Variants in TSC1 observed in about 807,000 individuals in gnomAD.
TSC1 encodes the protein TSC complex subunit 1.
A neutral mutation model predicts 124.3 loss-of-function variants in TSC1; 20 were observed. The ratio of observed to expected loss-of-function variants is 0.16; its 90% confidence interval spans 0.11 to 0.23. TSC1 has a LOEUF of 0.23. TSC1 is among the 10% of genes least tolerant of loss of function. The pLI, the probability that TSC1 is intolerant of heterozygous loss-of-function variation, is 1.00. For synonymous variants in TSC1, 493 were observed against 539.1 expected (o/e 0.91, Z 1.19); for missense variants, 1,124 against 1,448.5 (o/e 0.78, Z 3.64).
At position 132,901,477 on chromosome 9, in the gene TSC1, T is replaced by C. The variant is rs1294840617; in HGVS notation, c.2502+112A>G. ...ATGGGGGCAGCAGAACCACTTCCTG[T>C]TGGGAACCCATGACACAGACACTCA... On this transcript the variant is annotated intron_variant, in intron 19 of 22. Transcript: ENST00000298552. 5.9e-6 allele frequency: 6 copies of C among 1,012,222 alleles called. No homozygotes were observed. The East Asian group carries it at 9.5e-5, about 16-fold the overall frequency. The allele number at this position is 1,012,222 out of a possible 1,614,324, so 62.7% of individuals were successfully genotyped here.
rs1225892055 is a variant in TSC1, at chr9:132,895,974, C to T, written c.*261G>A. ...GGAAGAAAGTAAAGCTACTGAGGAACACCAACTGGCCCTTGGATTAGAACA... is the reference window on the plus strand; with the variant it reads ...GGAAGAAAGTAAAGCTACTGAGGAATACCAACTGGCCCTTGGATTAGAACA... On this transcript the variant is annotated 3_prime_UTR_variant, in exon 23 of 23. Transcript: ENST00000298552. 6 of 541,946 alleles carry T rather than the reference C, an allele frequency of 1.1e-5. No individual in the cohort carries two copies. In the East Asian group the frequency reaches 1.6e-4, roughly 14 times the overall value. 33.6% of individuals were successfully genotyped at this position (541,946 alleles called of 1,614,324 possible).
At chr9:132,899,956 A>T (rs1490352420) in intron 20 of TSC1, 1 of 152,300 alleles carries the variant, frequency 6.6e-6, no homozygotes, top group African/African-American at 2.4e-5. Context: ...CATCCTTCTA[A>T]AAAAGGGAGT....
chr9:132,921,235 T>C lies in TSC1; in HGVS notation c.737+128A>G, dbSNP rs563596561. ...ACACAAATTTTAGCTGTATGAGTGC[T>C]TCCAAGTGGACTGATTCTGTAAGTA... On this transcript the variant is annotated intron_variant, in intron 8 of 22. Coordinates refer to ENST00000298552, the MANE Select transcript of TSC1 (RefSeq NM_000368.5). The surrounding 1 kb of genome is among the most constrained non-coding windows in gnomAD (Gnocchi z 4.3). The C allele has an allele frequency of 7.9e-5, 78 of 992,562 alleles. No individual in the cohort carries two copies. The African/African-American group carries it at 9.8e-4, about 12-fold the overall frequency. The allele number at this position is 992,562 out of a possible 1,614,324, so 61.5% of individuals were successfully genotyped here.
chr9:132,905,393 T>A (rs1022134323), intron 15 of TSC1, among the ~76,000 whole-genome samples, 188 bp downstream of exon 15: 5 of 152,130 alleles, frequency 3.3e-5, no homozygotes, highest in Non-Finnish European at 7.4e-5. Context: ...CCAATTTAGG[T>A]GCACAGAGGT....
chr9:132,926,952 G>A (rs1476262345), intron 4 of TSC1: 8 of 455,158 alleles, frequency 1.8e-5, no homozygotes, highest in Admixed American at 3.3e-5. Flanking sequence ...GATTACAGGC[G>A]TGAGCCACCA....
intron 3 of TSC1, among the ~76,000 whole-genome samples, chr9:132,927,533 T>TC (rs1846948440): frequency 6.9e-6 from 1 of 144,152 alleles, no homozygotes; most frequent in Non-Finnish European, 1.5e-5. Flanking sequence ...TTTTTTTTTT[T>TC]TTTTTTTTGA....
At position 132,910,678 on chromosome 9, in the gene TSC1, T is replaced by C. The variant is rs2131946884; in HGVS notation, c.1156A>G (p.Thr386Ala). Residue 386 changes from threonine to alanine, a missense_variant, in exon 12 of 23, where the codon ACT (threonine) becomes GCT (alanine). This residue lies in a region of TSC1 where 463 missense variants were observed against 606.8 expected (regional missense o/e 0.76). Transcript: ENST00000298552. ...GAGGTTGCTGGGGTTCCCAGAGGAG[T>C]TCCTTTTCCACCTGCTTAGAGACAA... is the stretch of plus-strand genomic sequence containing the variant. ...VFGTTAGGKG[T>A]PLGTPATSPP... The C allele has an allele frequency of 1.2e-6, 2 of 1,613,618 alleles. No homozygotes were observed. Among genetic ancestry groups the C allele is most frequent in the Non-Finnish European group, 1.7e-6 (2 of 1,179,970 alleles).
At chr9:132,922,212 G>A (rs1395695099) in intron 6 of TSC1, among the ~76,000 whole-genome samples, 2 of 152,206 alleles carry the variant, frequency 1.3e-5, no homozygotes, top group Non-Finnish European at 2.9e-5. Flanking sequence ...CTACTAGTAT[G>A]ATCCATGAAG....
rs377723943 is a variant in TSC1 at position 132,939,683 on chromosome 9, C to G, written c.-143-4588G>C. Among the ~76,000 whole-genome samples, 5 of 152,314 alleles carry G rather than the reference C, an allele frequency of 3.3e-5. No homozygotes were observed. The South Asian group carries it at 1.0e-3, about 32-fold the overall frequency. On this transcript the variant is annotated intron_variant, in intron 1 of 22. Transcript: ENST00000298552. Reference sequence around the variant, plus strand: ...CCATGTATATTTCAAAAAGACACTACGCAGAGCTTCTCCTAAAAGAGATAC... The same window carrying G: ...CCATGTATATTTCAAAAAGACACTAGGCAGAGCTTCTCCTAAAAGAGATAC...
chr9:132,920,893 G>A (rs553397011), intron 8 of TSC1, among the ~76,000 whole-genome samples: 15 of 152,054 alleles, frequency 9.9e-5, no homozygotes, highest in African/African-American at 2.9e-4. Context: ...ATACCTGGGG[G>A]CCTCTGTAGG....
chr9:132,913,891 G>GTTTT (rs775823272), intron 8 of TSC1, among the ~76,000 whole-genome samples: 41 of 58,366 alleles, frequency 7.0e-4, no homozygotes, highest in African/African-American at 1.7e-3. Context: ...GTTTTGTTTT[G>GTTTT]TTTTTTTTTT....
upstream of TSC1, chr9:132,944,659 T>C (rs1432178012): frequency 1.5e-5 from 6 of 398,378 alleles, no homozygotes; most frequent in Non-Finnish European, 1.8e-5. Flanking sequence ...GACGGCGGCC[T>C]CCGCCACGAA....
At chr9:132,943,951 G>A (rs1051261293) in intron 1 of TSC1, 6 of 152,120 alleles carry the variant, frequency 3.9e-5, no homozygotes, top group Admixed American at 2.0e-4. Flanking sequence ...AATCCCCTTT[G>A]CCCACTTTAA....
chr9:132,943,858 C>G (rs994781109), intron 1 of TSC1: 1 of 152,224 alleles, frequency 6.6e-6, no homozygotes, highest in African/African-American at 2.4e-5. Context: ...AAGGTCCCTC[C>G]GATTGCAGGC....
intron 4 of TSC1, 154 bp from the exon 5 acceptor site, chr9:132,925,893 C>A (rs1846834266): frequency 2.9e-6 from 3 of 1,019,968 alleles, no homozygotes; most frequent in Admixed American, 2.3e-5. Flanking sequence ...ATTTTAAAAA[C>A]CACGTTAGCA....
chr9:132,923,478 G>A lies in TSC1; in HGVS notation c.378C>T (p.Val126=), dbSNP rs373173550. ...LLKCLKMDTD[V]VVLTTGVLVL... The stretch of plus-strand genomic sequence containing the variant: ...CCAAGACGCCTGTTGTGAGGACAAC[G>A]ACGTCAGTGTCCATCTGCAGGAGAA... The change falls in exon 6 of 23, where the codon GTC becomes GTT. Residue 126 remains valine, a synonymous_variant. Coordinates refer to ENST00000298552, the MANE Select transcript of TSC1 (RefSeq NM_000368.5). The surrounding 1 kb of genome is among the most constrained non-coding windows in gnomAD (Gnocchi z 4.2). 1.6e-5 allele frequency: 26 copies of A among 1,614,012 alleles called. No individual in the cohort carries two copies. The highest frequency in any genetic ancestry group is 6.7e-5 in the African/African-American group (5 of 74,916).
chr9:132,923,245 C>T lies in TSC1; in HGVS notation c.508+103G>A, dbSNP rs1588350022. On this transcript the variant is annotated intron_variant, in intron 6 of 22. Transcript: ENST00000298552. This position sits in a 1 kb window ranked among gnomAD's most constrained non-coding sequence, Gnocchi z 4.2. ...GTCTGGTGAAAACCACTCATTTCAG[C>T]TATAAAAGTCTACATGTCCATTCCT... The T allele has an allele frequency of 6.7e-7, 1 of 1,492,546 alleles. No individual in the cohort carries two copies. Among genetic ancestry groups the T allele is most frequent in the Non-Finnish European group, 9.0e-7 (1 of 1,108,880 alleles). 92.5% of individuals were successfully genotyped at this position (1,492,546 alleles called of 1,614,324 possible).
chr9:132,901,596 G>T lies in TSC1; in HGVS notation c.2495C>A (p.Ser832Tyr), dbSNP rs2131702861. Residue 832 changes from serine (S) to tyrosine (Y), a missense_variant, in exon 19 of 23, where the codon TCC becomes TAC. Physicochemically the swap from Ser to Tyr is moderately radical, Grantham distance 144 (BLOSUM62 -2). Coordinates refer to ENST00000298552, the MANE Select transcript of TSC1 (RefSeq NM_000368.5). Reference sequence around the variant, plus strand: ...TGCCTCATTTCTTCTTACCTTTTGGGAAACCTGACTGAGCAGCAGCTCAGT... The same window carrying T: ...TGCCTCATTTCTTCTTACCTTTTGGTAAACCTGACTGAGCAGCAGCTCAGT... Reference protein sequence around the residue: ...CHTELLLSQVSQKLSNSESVQ... With the variant: ...CHTELLLSQVYQKLSNSESVQ... 1 of 1,613,888 alleles carries T rather than the reference G, an allele frequency of 6.2e-7. No homozygotes were observed.
intron 2 of TSC1, among the ~76,000 whole-genome samples, chr9:132,931,888 T>C (rs1847222903): frequency 6.6e-6 from 1 of 152,160 alleles, no homozygotes; most frequent in African/African-American, 2.4e-5. Context: ...GGGGTGGTGG[T>C]AGTGGTGGAT....
Sources: gnomAD v4.1 joint callset for allele counts (sites outside exome capture counted in the v4.1 genomes callset) on GRCh38, gnomAD v4.1.1 for gene constraint, gnomAD v4.1.1 regional missense constraint, Gnocchi (gnomAD v3.1) non-coding constraint, MANE v1.5 for transcripts, NCBI Gene and HGNC (gene_info 2026-07-23, HGNC 2026-07-21) for gene names.